The following DSCAML1 variants were observed in gnomAD, a reference collection of about 807,000 sequenced individuals.
DSCAML1 encodes DS cell adhesion molecule like 1.
In DSCAML1, 38 loss-of-function variants were observed where a neutral mutation model predicts 200.5. The ratio of observed to expected loss-of-function variants is 0.19; its 90% CI spans 0.15 to 0.25. DSCAML1 has a LOEUF of 0.25. DSCAML1 is among the 10% of genes least tolerant of loss of function. The pLI is 1.00. For missense variants in DSCAML1, 2,223 were observed against 2,858.8 expected, an observed-to-expected ratio of 0.78 and a Z score of 5.07; for synonymous variants, 1,215 against 1,165.0, an observed-to-expected ratio of 1.04 and a Z score of -0.87.
intron 1 of DSCAML1, among the ~76,000 whole-genome samples, chr11:117,784,794 TG>T (rs754227407): frequency 6.6e-6 from 1 of 152,058 alleles, no homozygotes; most frequent in Non-Finnish European, 1.5e-5. Context: ...AAGGGCAGGA[TG>T]TGATTGCACC....
rs1288202315 is a variant in DSCAML1 at position 117,503,942 on chromosome 11, G to A, written c.2262C>T (p.Ile754=). The part of the protein sequence containing the change: ...IQILPNSSLL[I]RHVLEEDIGY... ...CGATGTCCTCTTCTAGGACGTGGCG[G>A]ATCAGCAGCGAGCTGTTGGGCAGGA... Residue 754 remains isoleucine, a synonymous_variant, in exon 11 of 33, where the codon ATC becomes ATT. Coordinates refer to ENST00000651296, the MANE Select transcript of DSCAML1 (RefSeq NM_020693.4). This position sits in a 1 kb window ranked among gnomAD's most constrained non-coding sequence, Gnocchi z 5.2. 1.2e-6 allele frequency: 2 copies of A among 1,614,194 alleles called. No homozygotes were observed. Among genetic ancestry groups the A allele is most frequent in the Non-Finnish European group, 1.7e-6 (2 of 1,180,028 alleles).
intron 19 of DSCAML1, among the ~76,000 whole-genome samples, chr11:117,457,285 G>C (rs534935499): frequency 6.6e-6 from 1 of 152,364 alleles, no homozygotes; most frequent in East Asian, 1.9e-4. Context: ...AGGGCTGAAG[G>C]CTCCTTGCAG....
chr11:117,641,957 G>A (rs1238553468), intron 3 of DSCAML1, among the ~76,000 whole-genome samples: 1 of 152,124 alleles, frequency 6.6e-6, no homozygotes, highest in African/African-American at 2.4e-5. Flanking sequence ...CCTGGTAAGT[G>A]GTTGGGCTGG....
At chr11:117,636,438 T>C (rs1011185732) in intron 3 of DSCAML1, among the ~76,000 whole-genome samples, 7 of 152,152 alleles carry the variant, frequency 4.6e-5, no homozygotes, top group Non-Finnish European at 7.4e-5. Flanking sequence ...ACAAGACGTA[T>C]ATTCCTTAGA....
intron 14 of DSCAML1, among the ~76,000 whole-genome samples, chr11:117,477,099 G>A (rs1413017996): frequency 1.3e-5 from 2 of 151,978 alleles, no homozygotes; most frequent in Middle Eastern, 3.4e-3. Flanking sequence ...TTAAGTACTC[G>A]CTAAAGATCA....
At chr11:117,565,225 T>G (rs2050735578) in intron 3 of DSCAML1, among the ~76,000 whole-genome samples, 2 of 152,204 alleles carry the variant, frequency 1.3e-5, no homozygotes, top group African/African-American at 4.8e-5. Flanking sequence ...TGGGGGTACA[T>G]GTGATAATTT....
chr11:117,612,750 G>C (rs188970904), intron 3 of DSCAML1, among the ~76,000 whole-genome samples: 3 of 152,326 alleles, frequency 2.0e-5, no homozygotes, highest in Admixed American at 1.3e-4. Flanking sequence ...GATGGGCATC[G>C]TCAAGGGGTG....
chr11:117,688,872 G>A (rs911989767), intron 3 of DSCAML1, among the ~76,000 whole-genome samples: 2 of 152,186 alleles, frequency 1.3e-5, no homozygotes, highest in East Asian at 1.9e-4. Flanking sequence ...ACCAGGGCAC[G>A]GATTGGCTCT....
At chr11:117,817,129 C>T (rs891553914) in intron 1 of DSCAML1, among the ~76,000 whole-genome samples, 6 of 152,182 alleles carry the variant, frequency 3.9e-5, no homozygotes, top group African/African-American at 1.4e-4. Context: ...TCCTGGCCCT[C>T]CCTGGGCTTC....
At chr11:117,722,813 A>G (rs574565170) in intron 3 of DSCAML1, among the ~76,000 whole-genome samples, 1 of 152,288 alleles carries the variant, frequency 6.6e-6, no homozygotes, top group South Asian at 2.1e-4. Context: ...TATGTTGCTG[A>G]CAAATCTCAT....
intron 3 of DSCAML1, 53 bp from the exon 4 acceptor site, chr11:117,532,575 A>AG: frequency 6.4e-7 from 1 of 1,570,300 alleles, no homozygotes; most frequent in Non-Finnish European, 8.7e-7. Context: ...GTACAGCCTC[A>AG]GAGGCAGGGT....
In DSCAML1 at chr11:117,739,208, T is replaced by C. The variant is rs1298025509; in HGVS notation, c.511+37583A>G. Among the ~76,000 whole-genome samples the C allele has an allele frequency of 3.9e-5, 6 of 152,324 alleles. No homozygotes were observed. In the East Asian group the frequency reaches 1.2e-3, roughly 29 times the overall value. On this transcript the variant is annotated intron_variant, in intron 3 of 32. Coordinates refer to ENST00000651296, the MANE Select transcript of DSCAML1 (RefSeq NM_020693.4). Reference sequence around the variant, plus strand: ...ACTAATAACAGGCAGGGAAGGGACTTGACTCCTGGTCTCCTGACTCCCACT... The same window carrying C: ...ACTAATAACAGGCAGGGAAGGGACTCGACTCCTGGTCTCCTGACTCCCACT...
chr11:117,602,508 G>T (rs1438841009), intron 3 of DSCAML1, among the ~76,000 whole-genome samples: 1 of 152,134 alleles, frequency 6.6e-6, no homozygotes, highest in Non-Finnish European at 1.5e-5. Context: ...CCACAGGCAT[G>T]CACCACCATG....
At chr11:117,575,818 C>A (rs1292235507) in intron 3 of DSCAML1, among the ~76,000 whole-genome samples, 2 of 151,554 alleles carry the variant, frequency 1.3e-5, no homozygotes, top group East Asian at 1.9e-4. Flanking sequence ...GGTGACAGAG[C>A]CAGATCCTGT....
At chr11:117,582,718 C>A (rs375538363) in intron 3 of DSCAML1, among the ~76,000 whole-genome samples, 1 of 152,236 alleles carries the variant, frequency 6.6e-6, no homozygotes, top group Middle Eastern at 3.4e-3. Context: ...CCTCCAGCTC[C>A]GGGGAAGGCT....
chr11:117,613,342 G>GGAACTTTATGGTA (rs1470963628), intron 3 of DSCAML1, among the ~76,000 whole-genome samples: 3 of 152,194 alleles, frequency 2.0e-5, no homozygotes, highest in Admixed American at 1.3e-4. Flanking sequence ...GGATAAATCT[G>GGAACTTTATGGTA]GGAAGACTCC....
At chr11:117,536,904 T>G (rs549394166) in intron 3 of DSCAML1, among the ~76,000 whole-genome samples, 136 of 152,364 alleles carry the variant, frequency 8.9e-4, no homozygotes, top group African/African-American at 3.1e-3. Flanking sequence ...AGCTAAGTAT[T>G]TATTGAGTAG....
intron 20 of DSCAML1, among the ~76,000 whole-genome samples, chr11:117,450,249 A>G (rs1321543048): frequency 6.6e-6 from 1 of 152,162 alleles, no homozygotes; most frequent in Non-Finnish European, 1.5e-5. Context: ...TCTGAGCCAG[A>G]GCAGAAGAGC....
At chr11:117,606,896 G>A (rs1353663294) in intron 3 of DSCAML1, among the ~76,000 whole-genome samples, 2 of 152,220 alleles carry the variant, frequency 1.3e-5, no homozygotes, top group African/African-American at 4.8e-5. Flanking sequence ...GGTGACATTT[G>A]GATAGGAAAC....
Sources: allele counts gnomAD v4.1 joint callset (sites outside exome capture counted in the v4.1 genomes callset), GRCh38; gene constraint gnomAD v4.1.1; non-coding constraint Gnocchi (gnomAD v3.1); transcripts MANE v1.5; gene names NCBI Gene and HGNC (gene_info 2026-07-23, HGNC 2026-07-21).